The following EXOC4 variants were observed in gnomAD, a reference collection of about 807,000 sequenced individuals.
The protein encoded by EXOC4 is exocyst complex component 4.
EXOC4 carries 71 observed loss-of-function variants against 107.2 expected under a neutral mutation model. The ratio of observed to expected loss-of-function variants is 0.66; its 90% CI spans 0.55 to 0.81. EXOC4 has a LOEUF of 0.81. EXOC4 is among the 30% of genes least tolerant of loss of function. The pLI is 0.00. For missense variants in EXOC4, 1,108 were observed against 1,189.6 expected (o/e 0.93, Z 1.01); for synonymous variants, 456 against 441.2 (o/e 1.03, Z -0.42).
Position 133,845,335 on chromosome 7 carries a change from A to AGTGTGTGTGTGTGTGTGTGT in EXOC4, c.1734+27806_1734+27825dup, listed in dbSNP as rs34845137. On this transcript the variant is annotated intron_variant, in intron 11 of 17. Coordinates refer to ENST00000253861, the MANE Select transcript of EXOC4 (RefSeq NM_021807.4). Reference sequence around the variant, plus strand: ...CAACTAGCATGATAGGCAGGTTAGTAGTGTGTGTGTGTGTGTGTGTGTGTG... The same window carrying AGTGTGTGTGTGTGTGTGTGT: ...CAACTAGCATGATAGGCAGGTTAGTAGTGTGTGTGTGTGTGTGTGTGTGTGTGTGTGTGTGTGTGTGTGTG... Among the ~76,000 whole-genome samples, 339 of 138,020 alleles carry AGTGTGTGTGTGTGTGTGTGT rather than the reference A, an allele frequency of 2.5e-3. 2 individuals carry two copies. The highest frequency in any genetic ancestry group is 8.5e-3 in the African/African-American group (309 of 36,498). The allele number at this position is 138,020 out of a possible 152,430, so 90.5% of individuals were successfully genotyped here.
At chr7:133,955,915 G>C (rs1484559791) in intron 14 of EXOC4, among the ~76,000 whole-genome samples, 2 of 152,246 alleles carry the variant, frequency 1.3e-5, no homozygotes, top group Admixed American at 6.5e-5. Flanking sequence ...CAGGCAGTGA[G>C]AGTAGGCACT....
At chr7:133,842,897 G>A (rs1798051101) in intron 11 of EXOC4, among the ~76,000 whole-genome samples, 1 of 152,072 alleles carries the variant, frequency 6.6e-6, no homozygotes, top group African/African-American at 2.4e-5. Flanking sequence ...CGAATAGGGA[G>A]TCCATTCAAT....
At chr7:133,667,393 T>C (rs1453016123) in intron 10 of EXOC4, among the ~76,000 whole-genome samples, 1 of 152,208 alleles carries the variant, frequency 6.6e-6, no homozygotes, top group African/African-American at 2.4e-5. Context: ...TCAGTGAGTA[T>C]AGATGGCTGT....
intron 9 of EXOC4, among the ~76,000 whole-genome samples, chr7:133,624,629 G>A (rs961995320): frequency 2.6e-5 from 4 of 152,136 alleles, no homozygotes; most frequent in South Asian, 2.1e-4. Context: ...GTCTCGCTCT[G>A]TCGGCCAGGT....
At chr7:133,677,788 A>G (rs1794097087) in intron 10 of EXOC4, among the ~76,000 whole-genome samples, 1 of 55,092 alleles carries the variant, frequency 1.8e-5, no homozygotes, top group Admixed American at 2.7e-4. Flanking sequence ...ATTAGAAGGC[A>G]TCACTTTGAG....
the EXOC4 span, among the ~76,000 whole-genome samples, chr7:134,097,777 A>C: frequency 2.6e-5 from 4 of 152,144 alleles, no homozygotes; most frequent in Non-Finnish European, 5.9e-5. Context: ...AGGGATAGAC[A>C]CTAAGGTGTT....
chr7:133,582,429 TAA>T (rs1463408566), intron 9 of EXOC4, among the ~76,000 whole-genome samples: 1 of 152,210 alleles, frequency 6.6e-6, no homozygotes, highest in African/African-American at 2.4e-5. Flanking sequence ...GCCTAATTGT[TAA>T]AGTGTCCTTA....
intron 10 of EXOC4, among the ~76,000 whole-genome samples, chr7:133,787,039 C>T (rs935110349): frequency 6.6e-6 from 1 of 152,106 alleles, no homozygotes; most frequent in Non-Finnish European, 1.5e-5. Flanking sequence ...TCCACATGAT[C>T]AGTCTGTAGA....
chr7:133,406,003 C>A lies in EXOC4; in HGVS notation c.1182+31001C>A, dbSNP rs141180711. On this transcript the variant is annotated intron_variant, in intron 7 of 17. Transcript: ENST00000253861. ...GGATTATAAGCAAGATATACATGAT[C>A]TGAAAGATAAACTATGTCCATTATT... Among the ~76,000 whole-genome samples the A allele has an allele frequency of 3.9e-5, 6 of 152,284 alleles. No individual in the cohort carries two copies. The East Asian group carries it at 1.2e-3, about 29-fold the overall frequency.
intron 9 of EXOC4, among the ~76,000 whole-genome samples, chr7:133,506,959 G>C (rs1168513998): frequency 1.3e-5 from 2 of 151,472 alleles, no homozygotes; most frequent in Non-Finnish European, 2.9e-5. Context: ...ATATATTCTA[G>C]ATACAAATGT....
chr7:133,714,384 G>A lies in EXOC4; in HGVS notation c.1514+84243G>A, dbSNP rs563452755. Among the ~76,000 whole-genome samples, 68 of 152,266 alleles carry A rather than the reference G, an allele frequency of 4.5e-4. No individual in the cohort carries two copies. The South Asian group carries it at 0.011, about 25-fold the overall frequency. On this transcript the variant is annotated intron_variant, in intron 10 of 17. Coordinates refer to ENST00000253861, the MANE Select transcript of EXOC4 (RefSeq NM_021807.4). ...GGAATTTTAGGAATCAATTGTGTTA[G>A]CAAGTCATCCCCATTTTACCAGAGT...
chr7:133,269,880 T>C (rs1386816160), intron 1 of EXOC4, among the ~76,000 whole-genome samples: 1 of 152,168 alleles, frequency 6.6e-6, no homozygotes, highest in Non-Finnish European at 1.5e-5. Context: ...ACTCTGCTCC[T>C]TAAAGACTGT....
intron 10 of EXOC4, among the ~76,000 whole-genome samples, chr7:133,680,504 A>G (rs1200541431): frequency 1.3e-5 from 2 of 152,188 alleles, no homozygotes; most frequent in African/African-American, 4.8e-5. Flanking sequence ...CGTAAAATGG[A>G]TATAAACCAA....
chr7:133,370,143 T>G (rs1046405905), intron 6 of EXOC4, among the ~76,000 whole-genome samples: 1 of 37,716 alleles, frequency 2.7e-5, no homozygotes, highest in Non-Finnish European at 5.6e-5. Flanking sequence ...CCGCCCACCC[T>G]CCCCCCCAAA....
intron 11 of EXOC4, among the ~76,000 whole-genome samples, chr7:133,818,967 A>T (rs1162349796): frequency 6.6e-6 from 1 of 152,040 alleles, no homozygotes; most frequent in East Asian, 1.9e-4. Context: ...CAAGTAGAAG[A>T]TTGGAAAGTG....
intron 17 of EXOC4, among the ~76,000 whole-genome samples, chr7:134,059,207 T>C (rs890437807): frequency 2.6e-5 from 4 of 152,186 alleles, no homozygotes; most frequent in South Asian, 2.1e-4. Context: ...GAATAGTTTA[T>C]GTTAGTGAGT....
rs539611488 is a variant in EXOC4 at position 133,582,521 on chromosome 7, T to G, written c.1418-47524T>G. 6.0e-4 allele frequency among the ~76,000 whole-genome samples: 91 copies of G among 152,268 alleles called. 1 individual carries two copies. The highest frequency in any genetic ancestry group is 2.1e-3 in the African/African-American group (87 of 41,574). ...GTTAAAATCAGTTTTTCAAACATAA[T>G]TAATCAAATAAAATTTACCTAATGA... On this transcript the variant is annotated intron_variant, in intron 9 of 17. Coordinates refer to ENST00000253861, the MANE Select transcript of EXOC4 (RefSeq NM_021807.4).
chr7:133,596,008 A>G (rs990729792), intron 9 of EXOC4, among the ~76,000 whole-genome samples: 10 of 151,236 alleles, frequency 6.6e-5, no homozygotes, highest in African/African-American at 2.2e-4. Context: ...TTTTCCCCAC[A>G]CTCCCATTTG....
At chr7:133,500,278 A>G (rs1193616809) in intron 9 of EXOC4, among the ~76,000 whole-genome samples, 5 of 152,184 alleles carry the variant, frequency 3.3e-5, no homozygotes, top group African/African-American at 1.2e-4. Context: ...GTTTCTTTGT[A>G]TCCTTTTCAG....
Sources: allele counts gnomAD v4.1 joint callset (sites outside exome capture counted in the v4.1 genomes callset), GRCh38; gene constraint gnomAD v4.1.1; transcripts MANE v1.5; gene names NCBI Gene and HGNC (gene_info 2026-07-23, HGNC 2026-07-21).